MVB12B: variants seen among roughly 807,000 people sequenced by gnomAD.
MVB12B encodes ESCRT-I complex subunit MVB12B.
In MVB12B, 16 loss-of-function variants were observed where a neutral mutation model predicts 41.6. The ratio of observed to expected loss-of-function variants is 0.38; its 90% CI spans 0.26 to 0.58. MVB12B has a LOEUF of 0.58. Among genes scored for constraint, MVB12B ranks in the 20% least tolerant of loss-of-function variants. MVB12B has a pLI of 0.62. For synonymous variants in MVB12B, 133 were observed against 139.7 expected (o/e 0.95, Z 0.34); for missense variants, 274 against 380.2 (o/e 0.72, Z 2.32).
intron 6 of MVB12B, among the ~76,000 whole-genome samples, chr9:126,406,260 G>C (rs931739228): frequency 1.3e-5 from 2 of 152,138 alleles, no homozygotes; most frequent in African/African-American, 4.8e-5. Context: ...CTGTGAGCTC[G>C]ACCTTGCATG....
At chr9:126,375,363 C>CCT (rs1554770792) in intron 2 of MVB12B, among the ~76,000 whole-genome samples, 42 of 105,210 alleles carry the variant, frequency 4.0e-4, no homozygotes, top group African/African-American at 1.6e-3. Flanking sequence ...TAAATTGATT[C>CCT]TTTTTTTTTT....
chr9:126,453,419 G>A (rs1832919310), intron 7 of MVB12B, among the ~76,000 whole-genome samples: 1 of 152,204 alleles, frequency 6.6e-6, no homozygotes, highest in African/African-American at 2.4e-5. Flanking sequence ...GAGTGTTGCT[G>A]TTTGCCCCTT....
intron 2 of MVB12B, among the ~76,000 whole-genome samples, chr9:126,353,690 A>G (rs527886055): frequency 6.6e-6 from 1 of 152,318 alleles, no homozygotes; most frequent in South Asian, 2.1e-4. Context: ...ATTATATGTA[A>G]GAAGTCTCTC....
chr9:126,400,458 A>G (rs1421510177), intron 6 of MVB12B, among the ~76,000 whole-genome samples: 4 of 152,072 alleles, frequency 2.6e-5, no homozygotes, highest in African/African-American at 9.7e-5. Flanking sequence ...GATCCTTCAG[A>G]CTGCAGGAGA....
chr9:126,438,593 G>A (rs949721996), intron 7 of MVB12B, among the ~76,000 whole-genome samples: 2 of 152,158 alleles, frequency 1.3e-5, no homozygotes, highest in Non-Finnish European at 2.9e-5. Context: ...TCAGCTGCTA[G>A]TGGGATATGA....
chr9:126,411,372 G>A (rs116243859), intron 6 of MVB12B, among the ~76,000 whole-genome samples: 1,645 of 152,172 alleles, frequency 0.011, 46 homozygotes, highest in African/African-American at 0.038. Flanking sequence ...AAACTGTCTC[G>A]GTGCCAGGCA....
intron 6 of MVB12B, among the ~76,000 whole-genome samples, chr9:126,412,064 T>C (rs1831667093): frequency 6.6e-6 from 1 of 152,194 alleles, no homozygotes; most frequent in African/African-American, 2.4e-5. Context: ...TCAGCAAGTG[T>C]GGGCAATGGT....
intron 2 of MVB12B, among the ~76,000 whole-genome samples, chr9:126,364,900 CGCCACCAG>C (rs1406048541): frequency 7.0e-6 from 1 of 142,880 alleles, no homozygotes; most frequent in Non-Finnish European, 1.5e-5. Context: ...TACAGGTGCC[CGCCACCAG>C]GCCTGGCTAA....
At chr9:126,361,319 G>A (rs1830024046) in intron 2 of MVB12B, among the ~76,000 whole-genome samples, 1 of 152,102 alleles carries the variant, frequency 6.6e-6, no homozygotes, top group East Asian at 1.9e-4. Context: ...AACTTCATGT[G>A]TAGTGTAAGA....
intron 9 of MVB12B, among the ~76,000 whole-genome samples, chr9:126,498,449 C>G (rs1350093339): frequency 1.3e-5 from 2 of 152,250 alleles, no homozygotes; most frequent in African/African-American, 2.4e-5. Flanking sequence ...CCCACCTGTC[C>G]TCACCTGGCC....
intron 6 of MVB12B, among the ~76,000 whole-genome samples, chr9:126,398,585 C>G (rs1048876079): frequency 6.6e-6 from 1 of 152,242 alleles, no homozygotes; most frequent in Non-Finnish European, 1.5e-5. Flanking sequence ...GTAGCCTTAA[C>G]CATAAACCTG....
intron 6 of MVB12B, among the ~76,000 whole-genome samples, chr9:126,397,970 A>G (rs1256735976): frequency 6.6e-6 from 1 of 151,848 alleles, no homozygotes; most frequent in Non-Finnish European, 1.5e-5. Context: ...CAGGCCCCTC[A>G]GTGGGGCCTG....
At position 126,340,637 on chromosome 9, in the gene MVB12B, C is replaced by A; in HGVS notation, c.204+7C>A. ...CCCGACAGGCTATGACGTAGTAAGT[C>A]AAGATACTAGTTTGTACATTTTGCT... On this transcript the variant is annotated splice_region_variant and intron_variant, in intron 2 of 9. Coordinates refer to ENST00000361171, the MANE Select transcript of MVB12B (RefSeq NM_033446.3). The surrounding 1 kb of genome is among the most constrained non-coding windows in gnomAD (Gnocchi z 4.0). 1.9e-6 allele frequency: 3 copies of A among 1,613,598 alleles called. No homozygotes were observed. Among genetic ancestry groups the A allele is most frequent in the South Asian group, 2.2e-5 (2 of 90,986 alleles).
chr9:126,487,431 G>C (rs951142930), intron 9 of MVB12B, among the ~76,000 whole-genome samples: 7 of 152,224 alleles, frequency 4.6e-5, no homozygotes, highest in African/African-American at 7.2e-5. Flanking sequence ...ACCAAGGTCA[G>C]CTGTATTTCT....
intron 6 of MVB12B, among the ~76,000 whole-genome samples, chr9:126,414,515 C>G (rs931246909): frequency 6.6e-6 from 1 of 152,196 alleles, no homozygotes; most frequent in African/African-American, 2.4e-5. Flanking sequence ...GAATAATAAT[C>G]CATCATTTGA....
intron 6 of MVB12B, among the ~76,000 whole-genome samples, chr9:126,406,610 G>C (rs1171823048): frequency 6.6e-6 from 1 of 152,222 alleles, no homozygotes; most frequent in Non-Finnish European, 1.5e-5. Flanking sequence ...GCGAGGTTTA[G>C]AGACTCTTTA....
rs533424716 is a variant in MVB12B, at chr9:126,335,009, A to G, written c.82-5499A>G. On this transcript the variant is annotated intron_variant, in intron 1 of 9. Coordinates refer to ENST00000361171, the MANE Select transcript of MVB12B (RefSeq NM_033446.3). ...AAATGGTTAATAGAAATTTAAGCAT[A>G]AGGCAGATTGAATACACACGTGCAT... 5.3e-5 allele frequency among the ~76,000 whole-genome samples: 8 copies of G among 152,364 alleles called. No individual in the cohort carries two copies. In the South Asian group the frequency reaches 1.4e-3, roughly 28 times the overall value.
At chr9:126,329,143 C>T (rs901942032) in intron 1 of MVB12B, among the ~76,000 whole-genome samples, 3 of 152,134 alleles carry the variant, frequency 2.0e-5, no homozygotes, top group Non-Finnish European at 4.4e-5. Flanking sequence ...GAACACTGGA[C>T]TTGGATTTAG....
chr9:126,469,132 C>T (rs757046106), intron 7 of MVB12B, among the ~76,000 whole-genome samples: 64 of 152,172 alleles, frequency 4.2e-4, no homozygotes, highest in Non-Finnish European at 7.9e-4. Context: ...GCTATGATGG[C>T]ACCACTGCAC....
Sources: allele counts gnomAD v4.1 joint callset (sites outside exome capture counted in the v4.1 genomes callset), GRCh38; gene constraint gnomAD v4.1.1; non-coding constraint Gnocchi (gnomAD v3.1); transcripts MANE v1.5; gene names NCBI Gene and HGNC (gene_info 2026-07-23, HGNC 2026-07-21).